SEMA3D: variants seen among roughly 807,000 people sequenced by gnomAD.
SEMA3D encodes the protein semaphorin 3D, also known as semaphorin-3D.
In SEMA3D, 84 loss-of-function variants were observed where a neutral mutation model predicts 100.1. That is an observed-to-expected ratio of 0.84 (90% CI 0.70 to 1.01). SEMA3D has a LOEUF of 1.01. SEMA3D is among the 50% of genes least tolerant of loss of function. The pLI is 0.00. For synonymous variants in SEMA3D, 312 were observed against 320.7 expected, an observed-to-expected ratio of 0.97 and a Z score of 0.29; for missense variants, 875 against 934.1, an observed-to-expected ratio of 0.94 and a Z score of 0.82.
In SEMA3D at chr7:84,996,266, C is replaced by T. The variant is rs772150017; in HGVS notation, c.*3174G>A. 11 of 151,882 alleles carry T rather than the reference C, an allele frequency of 7.2e-5. No individual in the cohort carries two copies. The highest frequency in any genetic ancestry group is 1.5e-4 in the Non-Finnish European group (10 of 67,866). The allele number at this position is 151,882 out of a possible 1,614,324, so 9.4% of individuals were successfully genotyped here. A position where few individuals can be genotyped will look rare whatever the true frequency, so the allele number is the denominator to read the frequency against. On this transcript the variant is annotated 3_prime_UTR_variant, in exon 19 of 19. Transcript: ENST00000284136. ...CTAATAACTTATTGTTTAGCTGAGT[C>T]TGTAAAATTCAGCAGGAACAAAACA... is the stretch of plus-strand genomic sequence containing the variant.
intron 4 of SEMA3D, among the ~76,000 whole-genome samples, chr7:85,096,980 T>C (rs376756979): frequency 1.3e-5 from 2 of 151,878 alleles, no homozygotes; most frequent in African/African-American, 4.8e-5. Flanking sequence ...CTGACAAAGA[T>C]GGGTTAAAAA....
intron 1 of SEMA3D, among the ~76,000 whole-genome samples, chr7:85,179,825 C>T (rs1356692311): frequency 1.3e-5 from 2 of 152,056 alleles, no homozygotes; most frequent in African/African-American, 2.4e-5. Flanking sequence ...CTGTGCCTGG[C>T]TAATTTTTTG....
At chr7:85,094,236 A>T (rs1405344133) in intron 4 of SEMA3D, among the ~76,000 whole-genome samples, 3 of 151,988 alleles carry the variant, frequency 2.0e-5, no homozygotes, top group African/African-American at 7.2e-5. Flanking sequence ...AGAGCCTTAG[A>T]AGTCAATACT....
intron 1 of SEMA3D, among the ~76,000 whole-genome samples, chr7:85,174,770 G>C (rs187097386): frequency 2.0e-5 from 3 of 152,046 alleles, no homozygotes; most frequent in Admixed American, 2.0e-4. Flanking sequence ...ATCGGTTGAC[G>C]GCTGGGAGAG....
In SEMA3D at chr7:85,012,866, C is replaced by G. The variant is rs543079856; in HGVS notation, c.1704-20G>C. ...GCTCTCCTGCGGAAAGGGGATTAAA[C>G]TTATTAGAACTTCAAGCATGATTAC... On this transcript the variant is annotated intron_variant, in intron 16 of 18. Transcript: ENST00000284136. 1 of 1,592,388 alleles carries G rather than the reference C, an allele frequency of 6.3e-7. No homozygotes were observed. Among genetic ancestry groups the G allele is most frequent in the African/African-American group, 1.3e-5 (1 of 74,354 alleles).
At chr7:85,053,826 C>T (rs1458816321) in intron 9 of SEMA3D, among the ~76,000 whole-genome samples, 1 of 151,886 alleles carries the variant, frequency 6.6e-6, no homozygotes, top group African/African-American at 2.4e-5. Flanking sequence ...AAAATAAATT[C>T]ATCCATCATA....
At chr7:85,215,510 C>A in the SEMA3D span, among the ~76,000 whole-genome samples, 1 of 152,078 alleles carries the variant, frequency 6.6e-6, no homozygotes, top group African/African-American at 2.4e-5. Flanking sequence ...GGGATCAGAG[C>A]AAGAGACGGA....
At chr7:85,155,681 T>A (rs750837493) in intron 1 of SEMA3D, among the ~76,000 whole-genome samples, 3 of 152,178 alleles carry the variant, frequency 2.0e-5, no homozygotes, top group Non-Finnish European at 4.4e-5. Context: ...CATACATATA[T>A]TCATGTTTTA....
chr7:85,116,814 A>T (rs1476480528), intron 3 of SEMA3D, among the ~76,000 whole-genome samples: 2 of 151,982 alleles, frequency 1.3e-5, no homozygotes, highest in East Asian at 3.9e-4. Context: ...ATTGAGGTTC[A>T]TTTTTTTCCA....
intron 3 of SEMA3D, among the ~76,000 whole-genome samples, chr7:85,120,758 G>T (rs886638031): frequency 2.7e-5 from 4 of 150,084 alleles, no homozygotes; most frequent in African/African-American, 9.8e-5. Flanking sequence ...AGATAAAAAC[G>T]TCCTAGATTA....
chr7:85,200,808 G>A, the SEMA3D span, among the ~76,000 whole-genome samples: 3 of 152,164 alleles, frequency 2.0e-5, no homozygotes, highest in Admixed American at 6.5e-5. Context: ...GGTTTAGTGG[G>A]CCAGGCCCAG....
At chr7:85,033,215 A>G (rs1336182843) in intron 12 of SEMA3D, among the ~76,000 whole-genome samples, 1 of 152,140 alleles carries the variant, frequency 6.6e-6, no homozygotes, top group Non-Finnish European at 1.5e-5. Flanking sequence ...TAAAGACTAT[A>G]TTCTGAGTAG....
At chr7:85,184,174 A>G (rs1156936443) in intron 1 of SEMA3D, among the ~76,000 whole-genome samples, 1 of 152,204 alleles carries the variant, frequency 6.6e-6, no homozygotes, top group Non-Finnish European at 1.5e-5. Context: ...CATGTAAATG[A>G]TAACAGATAC....
At chr7:85,161,449 G>T (rs1463169466) in intron 1 of SEMA3D, among the ~76,000 whole-genome samples, 2 of 152,028 alleles carry the variant, frequency 1.3e-5, no homozygotes, top group South Asian at 2.1e-4. Context: ...TCATAAAATT[G>T]TTCCTCCCTC....
At chr7:85,018,657 A>T (rs1790171898) in intron 14 of SEMA3D, among the ~76,000 whole-genome samples, 1 of 151,754 alleles carries the variant, frequency 6.6e-6, no homozygotes, top group Non-Finnish European at 1.5e-5. Flanking sequence ...ATAATTATTT[A>T]TTACCTCTTT....
At chr7:85,165,228 A>G in intron 1 of SEMA3D, among the ~76,000 whole-genome samples, 1 of 149,204 alleles carries the variant, frequency 6.7e-6, no homozygotes, top group East Asian at 2.0e-4. Context: ...TAATAATAAA[A>G]CTTTTTTATG....
chr7:85,022,272 G>T, intron 13 of SEMA3D, 119 bp downstream of exon 13: 1 of 684,202 alleles, frequency 1.5e-6, no homozygotes, highest in Non-Finnish European at 2.5e-6. Context: ...TGCTGACAAG[G>T]TTTTATCTAA....
At chr7:85,062,006 T>C (rs1791490595) in intron 8 of SEMA3D, among the ~76,000 whole-genome samples, 1 of 152,178 alleles carries the variant, frequency 6.6e-6, no homozygotes. Context: ...TGTCCATATG[T>C]CCCAGTTTGT....
chr7:85,066,297 G>A (rs1562803429), intron 7 of SEMA3D, among the ~76,000 whole-genome samples: 1 of 151,880 alleles, frequency 6.6e-6, no homozygotes, highest in South Asian at 2.1e-4. Context: ...AGGAAAGGGA[G>A]GAGGAGAGAA....
Sources: gnomAD v4.1 joint callset for allele counts (sites outside exome capture counted in the v4.1 genomes callset) on GRCh38, gnomAD v4.1.1 for gene constraint, MANE v1.5 for transcripts, NCBI Gene and HGNC (gene_info 2026-07-23, HGNC 2026-07-21) for gene names.